Variants in THSD4 observed in about 807,000 individuals in gnomAD.
The protein encoded by THSD4 is thrombospondin type-1 domain-containing protein 4.
A neutral mutation model predicts 119.0 loss-of-function variants in THSD4; 69 were observed. That is an observed-to-expected ratio of 0.58 (90% CI 0.48 to 0.71). The LOEUF is 0.71. Among genes scored for constraint, THSD4 ranks in the 30% least tolerant of loss-of-function variants. The pLI is 0.00. For synonymous variants in THSD4, 524 were observed against 540.4 expected, an observed-to-expected ratio of 0.97 and a Z score of 0.42; for missense variants, 1,393 against 1,391.1, an observed-to-expected ratio of 1.00 and a Z score of -0.02.
chr15:71,199,156 A>G (rs1322782185), intron 3 of THSD4, among the ~76,000 whole-genome samples: 2 of 152,170 alleles, frequency 1.3e-5, no homozygotes, highest in African/African-American at 4.8e-5. Flanking sequence ...CGGGGTCCCC[A>G]TGTGTCCTCC....
At chr15:71,277,576 T>A (rs181088323) in intron 6 of THSD4, among the ~76,000 whole-genome samples, 41 of 152,366 alleles carry the variant, frequency 2.7e-4, no homozygotes, top group African/African-American at 9.1e-4. Flanking sequence ...GAGGCCCTTT[T>A]ACTTAGTAAC....
At chr15:71,430,861 G>A (rs555604414) in intron 7 of THSD4, among the ~76,000 whole-genome samples, 20 of 152,110 alleles carry the variant, frequency 1.3e-4, no homozygotes, top group Non-Finnish European at 2.1e-4. Flanking sequence ...TTTTCCCAGG[G>A]CTTCTATTGG....
chr15:71,486,611 GTTTTTTTTT>G (rs200120589), intron 7 of THSD4, among the ~76,000 whole-genome samples: 28,303 of 132,044 alleles, frequency 0.21, 2,885 homozygotes, highest in East Asian at 0.37. Context: ...TTTCTTTTCT[GTTTTTTTTT>G]TTTTTTTTTT....
chr15:71,366,115 C>T (rs4777375), intron 6 of THSD4, among the ~76,000 whole-genome samples: 30,277 of 151,964 alleles, frequency 0.2, 3,633 homozygotes, highest in East Asian at 0.53. Flanking sequence ...ACTCTGTTGC[C>T]CAGGCTGGAG....
At chr15:71,114,773 A>G (rs2040340097), upstream of THSD4, among the ~76,000 whole-genome samples, 1 of 152,156 alleles carries the variant, frequency 6.6e-6, no homozygotes. Flanking sequence ...TCCCCAACAA[A>G]ATATTACTCT....
At chr15:71,412,934 G>A (rs1011218219) in intron 7 of THSD4, among the ~76,000 whole-genome samples, 2 of 152,086 alleles carry the variant, frequency 1.3e-5, no homozygotes, top group African/African-American at 4.8e-5. Context: ...GGTAACTGGG[G>A]TATCCGTCAC....
rs61293620 is a variant in THSD4, at chr15:71,272,396, CAAAAAAAAAA to C, written c.1015+15699_1015+15708del. On this transcript the variant is annotated intron_variant, in intron 6 of 17. Coordinates refer to ENST00000261862, the MANE Select transcript of THSD4 (RefSeq NM_024817.3). ...CAGGGGACAAAGTGAGACTCTGTCT[CAAAAAAAAAA>C]AAAAAAAAAAAAAAAAAGAAAGAAG... Among the ~76,000 whole-genome samples, 26 of 55,588 alleles carry C rather than the reference CAAAAAAAAAA, an allele frequency of 4.7e-4. 1 individual carries two copies. In the South Asian group the frequency reaches 0.026, roughly 55 times the overall value. 36.5% of individuals were successfully genotyped at this position (55,588 alleles called of 152,430 possible). A position where few individuals can be genotyped will look rare whatever the true frequency, so the allele number is the denominator to read the frequency against.
intron 8 of THSD4, among the ~76,000 whole-genome samples, chr15:71,682,286 G>A (rs2051797811): frequency 6.6e-6 from 1 of 152,192 alleles, no homozygotes; most frequent in Admixed American, 6.5e-5. Flanking sequence ...GCTTTTTATT[G>A]AAATGCTAAG....
chr15:71,632,607 G>A (rs2050654366), intron 7 of THSD4, among the ~76,000 whole-genome samples: 1 of 152,226 alleles, frequency 6.6e-6, no homozygotes, highest in Non-Finnish European at 1.5e-5. Flanking sequence ...GTCACTCTAA[G>A]TGTTGGTGGA....
At chr15:71,174,237 C>T (rs941349628) in intron 3 of THSD4, among the ~76,000 whole-genome samples, 5 of 152,126 alleles carry the variant, frequency 3.3e-5, no homozygotes, top group African/African-American at 1.2e-4. Context: ...TCTGAGGTAC[C>T]GGGTTCATCT....
intron 8 of THSD4, among the ~76,000 whole-genome samples, chr15:71,663,774 A>G (rs2051359238): frequency 6.6e-6 from 1 of 152,174 alleles, no homozygotes; most frequent in Admixed American, 6.5e-5. Context: ...TCAAAGAGAT[A>G]TGTGGTAGGT....
chr15:71,345,154 T>C (rs909723237), intron 6 of THSD4, among the ~76,000 whole-genome samples: 7 of 147,744 alleles, frequency 4.7e-5, no homozygotes, highest in Non-Finnish European at 1.0e-4. Context: ...ATTTCTCATT[T>C]CTGTATGGTA....
At chr15:71,407,950 C>G (rs904564506) in intron 6 of THSD4, among the ~76,000 whole-genome samples, 1 of 152,134 alleles carries the variant, frequency 6.6e-6, no homozygotes, top group African/African-American at 2.4e-5. Context: ...AGTGTGTGGA[C>G]AGGATGCTAG....
intron 7 of THSD4, among the ~76,000 whole-genome samples, chr15:71,598,353 C>T (rs2049944388): frequency 6.6e-6 from 1 of 152,090 alleles, no homozygotes; most frequent in African/African-American, 2.4e-5. Flanking sequence ...CGGGACACAT[C>T]CCTGAGGCCA....
chr15:71,422,607 C>T (rs1379743702), intron 7 of THSD4, among the ~76,000 whole-genome samples: 1 of 152,188 alleles, frequency 6.6e-6, no homozygotes, highest in East Asian at 1.9e-4. Flanking sequence ...CCCCTGTGGC[C>T]ACCACCACTG....
intron 4 of THSD4, among the ~76,000 whole-genome samples, chr15:71,217,006 A>G (rs762056614): frequency 6.6e-6 from 1 of 152,150 alleles, no homozygotes; most frequent in Non-Finnish European, 1.5e-5. Context: ...CATGTTGGCC[A>G]GGCTGGTCTT....
intron 7 of THSD4, among the ~76,000 whole-genome samples, chr15:71,426,592 G>T (rs2046872791): frequency 6.6e-6 from 1 of 152,012 alleles, no homozygotes; most frequent in South Asian, 2.1e-4. Context: ...TAATTGGATT[G>T]GGTAAATTGT....
At chr15:71,405,020 C>CT (rs112574122) in intron 6 of THSD4, among the ~76,000 whole-genome samples, 7 of 152,228 alleles carry the variant, frequency 4.6e-5, no homozygotes, top group African/African-American at 1.7e-4. Flanking sequence ...TCCTGAGTTG[C>CT]TGGGATTACA....
At chr15:71,119,846 C>G (rs1358647814) in intron 1 of THSD4, among the ~76,000 whole-genome samples, 1 of 152,188 alleles carries the variant, frequency 6.6e-6, no homozygotes, top group Non-Finnish European at 1.5e-5. Flanking sequence ...ATTCAACTGG[C>G]CTTGCTCCAC....
Sources: allele counts gnomAD v4.1 joint callset (sites outside exome capture counted in the v4.1 genomes callset), GRCh38; gene constraint gnomAD v4.1.1; transcripts MANE v1.5; gene names NCBI Gene and HGNC (gene_info 2026-07-23, HGNC 2026-07-21).